AAK1: variants seen among roughly 807,000 people sequenced by gnomAD.
AAK1 encodes the protein AP2-associated protein kinase 1.
Under a neutral mutation model 116.0 loss-of-function variants are expected in AAK1, and 37 were observed. That is an observed-to-expected ratio of 0.32 (90% confidence interval 0.25 to 0.42). The LOEUF (loss-of-function observed/expected upper bound fraction) is 0.42, where lower values mean the gene tolerates loss of function less well. Among genes scored for constraint, AAK1 ranks in the 10% least tolerant of loss-of-function variants. The pLI is 1.00. For missense variants in AAK1, 919 were observed against 1,170.6 expected, an observed-to-expected ratio of 0.79 and a Z score of 3.14; for synonymous variants, 458 against 439.9, an observed-to-expected ratio of 1.04 and a Z score of -0.51.
intron 5 of AAK1, among the ~76,000 whole-genome samples, chr2:69,535,887 C>T (rs1001757289): frequency 1.3e-5 from 2 of 152,160 alleles, no homozygotes; most frequent in South Asian, 2.1e-4. Context: ...GAAGGACTTA[C>T]AAAAGTGAAA....
intron 17 of AAK1, among the ~76,000 whole-genome samples, chr2:69,493,878 A>AAGTCCC (rs1675638370): frequency 1.3e-5 from 2 of 152,156 alleles, no homozygotes; most frequent in South Asian, 4.1e-4. Context: ...CAGGGTGGGA[A>AAGTCCC]CAAGCTTAGC....
intron 5 of AAK1, among the ~76,000 whole-genome samples, chr2:69,534,220 T>C (rs1391618967): frequency 6.6e-6 from 1 of 152,214 alleles, no homozygotes; most frequent in African/African-American, 2.4e-5. Flanking sequence ...ATTAAGTCAC[T>C]TGCTAAATGT....
At chr2:69,566,030 C>G (rs1671851742) in intron 2 of AAK1, among the ~76,000 whole-genome samples, 2 of 150,424 alleles carry the variant, frequency 1.3e-5, no homozygotes, top group East Asian at 2.0e-4. Flanking sequence ...ATTCAGGTGG[C>G]AGAGTGTCCT....
At chr2:69,544,413 A>C in intron 4 of AAK1, 23 bp downstream of exon 4, 2 of 1,551,634 alleles carry the variant, frequency 1.3e-6, no homozygotes. Flanking sequence ...ATGACAGCTT[A>C]AGGGAATGGT....
At chr2:69,641,950 T>G (rs1469569221) in intron 2 of AAK1, among the ~76,000 whole-genome samples, 1 of 152,116 alleles carries the variant, frequency 6.6e-6, no homozygotes, top group Non-Finnish European at 1.5e-5. Flanking sequence ...GCTGCTTTTA[T>G]TAAAAATAAA....
At chr2:69,549,264 G>A (rs1477746175) in intron 3 of AAK1, among the ~76,000 whole-genome samples, 11 of 152,186 alleles carry the variant, frequency 7.2e-5, no homozygotes, top group Non-Finnish European at 1.5e-5. Context: ...AGCTACTCGG[G>A]AGGCCGAGAC....
In AAK1 at chr2:69,458,080, A is replaced by G. The variant is rs1674256524; in HGVS notation, c.*17789T>C. The G allele has an allele frequency of 6.6e-6, 1 of 152,208 alleles. No individual in the cohort carries two copies. The highest frequency in any genetic ancestry group is 6.5e-5 in the Admixed American group (1 of 15,278). 9.4% of individuals were successfully genotyped at this position (152,208 alleles called of 1,614,324 possible). A position where few individuals can be genotyped will look rare whatever the true frequency, so the allele number is the denominator to read the frequency against. On this transcript the variant is annotated 3_prime_UTR_variant, in exon 22 of 22. Transcript: ENST00000409085. ...ATAAAACCTATCAGATACATACGAT[A>G]AATCACACCGAGAGTGCAATAACAT... is the stretch of plus-strand genomic sequence containing the variant.
At chr2:69,480,349 A>AC (rs1675039269) in intron 19 of AAK1, among the ~76,000 whole-genome samples, 1 of 152,088 alleles carries the variant, frequency 6.6e-6, no homozygotes, top group African/African-American at 2.4e-5. Context: ...AAATTAGGGT[A>AC]CAAGTAATAC....
chr2:69,632,948 G>C (rs1322537241), intron 2 of AAK1, among the ~76,000 whole-genome samples: 2 of 151,874 alleles, frequency 1.3e-5, no homozygotes, highest in African/African-American at 4.8e-5. Context: ...CAGGAGAATG[G>C]TGTGAACCCG....
chr2:69,604,983 G>C (rs1433466634), intron 2 of AAK1, among the ~76,000 whole-genome samples: 1 of 152,246 alleles, frequency 6.6e-6, no homozygotes, highest in East Asian at 1.9e-4. Flanking sequence ...TTGCATCAAT[G>C]CTTCTCCAAA....
Position 69,465,796 on chromosome 2 carries a change from A to G in AAK1, c.*10073T>C, listed in dbSNP as rs1674466083. On this transcript the variant is annotated 3_prime_UTR_variant, in exon 22 of 22. Transcript: ENST00000409085. ...TGGTCTGCTGCTTGTACAGAATGGG[A>G]CAGGAGGTTAGACTGTTGCACAAAA... 2 of 1,290,632 alleles carry G rather than the reference A, an allele frequency of 1.5e-6. No homozygotes were observed. The highest frequency in any genetic ancestry group is 5.6e-5 in the East Asian group (1 of 17,998). The allele number at this position is 1,290,632 out of a possible 1,614,324, so 79.9% of individuals were successfully genotyped here.
chr2:69,525,245 C>T, intron 9 of AAK1, 133 bp from the exon 10 acceptor site: 1 of 801,168 alleles, frequency 1.2e-6, no homozygotes, highest in South Asian at 1.7e-5. Flanking sequence ...GCTTCCAGGC[C>T]CTGAGCTCTG....
rs552544073 is a variant in AAK1, at chr2:69,557,416, C to A, written c.164-438G>T. Among the ~76,000 whole-genome samples the A allele has an allele frequency of 2.6e-5, 4 of 151,986 alleles. No homozygotes were observed. The East Asian group carries it at 7.7e-4, about 29-fold the overall frequency. The stretch of plus-strand genomic sequence containing the variant: ...TCCTGGGTTCAATCGATCCTCCCAC[C>A]TCAGCCTCCCGAGTAGCTGGGATTA... On this transcript the variant is annotated intron_variant, in intron 2 of 21. Transcript: ENST00000409085.
chr2:69,520,662 C>T (rs887818309), intron 11 of AAK1, among the ~76,000 whole-genome samples, 172 bp downstream of exon 11: 5 of 152,318 alleles, frequency 3.3e-5, no homozygotes, highest in East Asian at 1.9e-4. Flanking sequence ...CCACCACGCC[C>T]GGCCACTGCC....
intron 9 of AAK1, among the ~76,000 whole-genome samples, chr2:69,525,523 G>A (rs919485894): frequency 2.0e-5 from 3 of 152,164 alleles, no homozygotes; most frequent in Admixed American, 2.0e-4. Flanking sequence ...ATCTTCGTTC[G>A]AGCTTATCAA....
intron 18 of AAK1, chr2:69,482,163 C>A (rs1464073701): frequency 6.2e-6 from 1 of 161,210 alleles, no homozygotes; most frequent in South Asian, 1.8e-4. Flanking sequence ...ACCAGCCTGA[C>A]CAACATGGAG....
chr2:69,525,030 TA>T lies in AAK1; in HGVS notation c.1055+2del. On this transcript the variant is annotated splice_donor_variant, in intron 10 of 21. Coordinates refer to ENST00000409085, the MANE Select transcript of AAK1 (RefSeq NM_014911.5). LOFTEE classifies it high-confidence loss of function. ...GACATGTGTTCATGAAGGCATTTCT[TA>T]CCTGGCCTTTGGCTGGGTCTTTTTT... 1 of 1,613,750 alleles carries T rather than the reference TA, an allele frequency of 6.2e-7. No individual in the cohort carries two copies. Among genetic ancestry groups the T allele is most frequent in the Non-Finnish European group, 8.5e-7 (1 of 1,179,650 alleles).
At chr2:69,610,065 A>G (rs1573004815) in intron 2 of AAK1, among the ~76,000 whole-genome samples, 1 of 151,714 alleles carries the variant, frequency 6.6e-6, no homozygotes, top group Non-Finnish European at 1.5e-5. Context: ...AAAAAAAAAA[A>G]AAAAAAAATT....
At chr2:69,555,934 CA>C (rs1187125240) in intron 3 of AAK1, among the ~76,000 whole-genome samples, 1 of 152,032 alleles carries the variant, frequency 6.6e-6, no homozygotes, top group Non-Finnish European at 1.5e-5. Context: ...CCCATATACT[CA>C]TAATTCTGCT....
Sources: allele counts gnomAD v4.1 joint callset (sites outside exome capture counted in the v4.1 genomes callset), GRCh38; gene constraint gnomAD v4.1.1; transcripts MANE v1.5; gene names NCBI Gene and HGNC (gene_info 2026-07-23, HGNC 2026-07-21).